Variants in LBH observed in about 807,000 individuals in gnomAD.
The protein encoded by LBH is protein LBH.
LBH carries 7 observed loss-of-function variants against 12.5 expected under a neutral mutation model. The ratio of observed to expected loss-of-function variants is 0.56; its 90% confidence interval spans 0.32 to 1.05. The LOEUF is 1.05. LBH is among the 50% of genes least tolerant of loss of function. The pLI, the probability that LBH is intolerant of heterozygous loss-of-function variation, is 0.04. For missense variants in LBH, 119 were observed against 138.9 expected (o/e 0.86, Z 0.72); for synonymous variants, 51 against 50.1 (o/e 1.02, Z -0.08).
intron 2 of LBH, among the ~76,000 whole-genome samples, chr2:30,240,510 T>C (rs1484386679): frequency 1.3e-5 from 2 of 152,168 alleles, no homozygotes; most frequent in South Asian, 2.1e-4. Context: ...CCCAGTCTAG[T>C]AGCTTCTGTG....
intron 2 of LBH, among the ~76,000 whole-genome samples, chr2:30,244,045 T>C (rs1677834399): frequency 1.3e-5 from 2 of 152,154 alleles, no homozygotes. Context: ...TAGTTTTCCA[T>C]TTATGTAGTG....
At chr2:30,232,478 A>G (rs534281766) in intron 1 of LBH, 2 of 413,636 alleles carry the variant, frequency 4.8e-6, no homozygotes, top group Admixed American at 8.6e-5. Context: ...AGGGATGCAG[A>G]GAGAGGCAGG....
At chr2:30,253,153 C>T (rs1426517055) in intron 2 of LBH, among the ~76,000 whole-genome samples, 5 of 152,198 alleles carry the variant, frequency 3.3e-5, no homozygotes, top group African/African-American at 1.2e-4. Flanking sequence ...TTTCCACTGC[C>T]TACCCCACCC....
At chr2:30,248,120 T>C (rs7584621) in intron 2 of LBH, among the ~76,000 whole-genome samples, 8,069 of 151,936 alleles carry the variant, frequency 0.053, 747 homozygotes, top group African/African-American at 0.18. Context: ...GATGGTTTCA[T>C]TGAAAGGCAT....
chr2:30,255,894 C>T (rs1202844570), intron 2 of LBH, among the ~76,000 whole-genome samples: 3 of 152,206 alleles, frequency 2.0e-5, no homozygotes, highest in African/African-American at 7.2e-5. Flanking sequence ...GTTTTGCTTT[C>T]CTTTCTTGTG....
chr2:30,241,745 G>A (rs1677793993), intron 2 of LBH, among the ~76,000 whole-genome samples: 1 of 152,080 alleles, frequency 6.6e-6, no homozygotes, highest in Non-Finnish European at 1.5e-5. Flanking sequence ...ATTATAGGCA[G>A]GAGCCACCGC....
At chr2:30,240,660 CT>C (rs926633916) in intron 2 of LBH, among the ~76,000 whole-genome samples, 5 of 152,298 alleles carry the variant, frequency 3.3e-5, no homozygotes, top group African/African-American at 1.2e-4. Context: ...ACAGATCCAT[CT>C]TGAAGAACAA....
chr2:30,257,354 C>T, intron 2 of LBH, 79 bp from the exon 3 acceptor site: 4 of 1,508,408 alleles, frequency 2.7e-6, no homozygotes, highest in Non-Finnish European at 3.7e-6. Flanking sequence ...CAGTATGCCA[C>T]ATGGATGTGC....
chr2:30,251,669 GA>G (rs200828977), intron 2 of LBH, among the ~76,000 whole-genome samples: 33,685 of 111,046 alleles, frequency 0.3, 4,413 homozygotes, highest in African/African-American at 0.44. Context: ...CCTATCTCAA[GA>G]AAAAAAAAAA....
At chr2:30,236,330 A>C (rs1190980597) in intron 2 of LBH, among the ~76,000 whole-genome samples, 1 of 152,164 alleles carries the variant, frequency 6.6e-6, no homozygotes, top group Non-Finnish European at 1.5e-5. Context: ...CTGGGGCTGC[A>C]AGGGCAGCAG....
At chr2:30,255,703 G>A (rs914514281) in intron 2 of LBH, among the ~76,000 whole-genome samples, 15 of 152,130 alleles carry the variant, frequency 9.9e-5, no homozygotes, top group Admixed American at 2.0e-4. Flanking sequence ...CAATAAGACC[G>A]GGTATCCTCA....
chr2:30,256,289 G>C (rs1001202), intron 2 of LBH, among the ~76,000 whole-genome samples: 38,246 of 152,072 alleles, frequency 0.25, 5,108 homozygotes, highest in Middle Eastern at 0.33. Flanking sequence ...CCTGGCTGAC[G>C]GGACTCTGGA....
intron 1 of LBH, chr2:30,232,314 C>G (rs1677604450): frequency 2.9e-6 from 4 of 1,396,518 alleles, no homozygotes; most frequent in African/African-American, 1.5e-5. Flanking sequence ...GCTGCAGCCT[C>G]TCAACCCCTG....
In LBH at chr2:30,258,824, T is replaced by C. The variant is rs1031638805; in HGVS notation, c.*1203T>C. ...TCGAGTTTGAGACTAAAGGATGTCA[T>C]GAGATCCCTGGCTTCTCCCCATGTT... On this transcript the variant is annotated 3_prime_UTR_variant, in exon 3 of 3. Transcript: ENST00000395323. The C allele has an allele frequency of 6.6e-6, 1 of 152,128 alleles. No individual in the cohort carries two copies. The highest frequency in any genetic ancestry group is 1.5e-5 in the Non-Finnish European group (1 of 68,026). The allele number at this position is 152,128 out of a possible 1,614,324, so 9.4% of individuals were successfully genotyped here.
chr2:30,255,042 A>G (rs1180731442), intron 2 of LBH, among the ~76,000 whole-genome samples: 1 of 152,232 alleles, frequency 6.6e-6, no homozygotes, highest in African/African-American at 2.4e-5. Context: ...AAAACAGCAG[A>G]TGTAGGTTTG....
At chr2:30,257,406 C>T (rs764142074) in intron 2 of LBH, 27 bp from the exon 3 acceptor site, 3 of 1,612,648 alleles carry the variant, frequency 1.9e-6, no homozygotes, top group African/African-American at 1.3e-5. Flanking sequence ...TCTACGTGAC[C>T]AGGCACCTGC....
chr2:30,232,141 T>G, intron 1 of LBH: 1 of 1,531,188 alleles, frequency 6.5e-7, no homozygotes, highest in Non-Finnish European at 8.8e-7. Context: ...CCCGGGCCCC[T>G]CCTCTTTTTC....
intron 2 of LBH, among the ~76,000 whole-genome samples, chr2:30,239,947 T>C (rs1322460357): frequency 6.6e-6 from 1 of 152,186 alleles, no homozygotes; most frequent in Non-Finnish European, 1.5e-5. Context: ...AGTGAGTCTG[T>C]AGCCTGGTCA....
chr2:30,252,777 C>T (rs899817017), intron 2 of LBH, among the ~76,000 whole-genome samples: 2 of 152,150 alleles, frequency 1.3e-5, no homozygotes, highest in African/African-American at 4.8e-5. Context: ...CAGCCATCAG[C>T]TTTGGCAGCC....
Sources: allele counts gnomAD v4.1 joint callset (sites outside exome capture counted in the v4.1 genomes callset), GRCh38; gene constraint gnomAD v4.1.1; transcripts MANE v1.5; gene names NCBI Gene and HGNC (gene_info 2026-07-23, HGNC 2026-07-21).